The following ZNF487 variants were observed in gnomAD, a reference collection of about 807,000 sequenced individuals.
ZNF487 encodes the protein zinc finger protein 487.
Under a neutral mutation model 3.0 loss-of-function variants are expected in ZNF487, and 4 were observed. The ratio of observed to expected loss-of-function variants is 1.35; its 90% CI spans 0.66 to 3.08. The LOEUF is 3.08. ZNF487 is among the 30% of genes most tolerant of loss of function. ZNF487 has a pLI of 0.01. For synonymous variants in ZNF487, 55 were observed against 34.6 expected, an observed-to-expected ratio of 1.59 and a Z score of -2.06; for missense variants, 146 against 98.7, an observed-to-expected ratio of 1.48 and a Z score of -2.03.
At chr10:43,469,466 T>A (rs1840825925) in intron 1 of ZNF487, among the ~76,000 whole-genome samples, 1 of 152,134 alleles carries the variant, frequency 6.6e-6, no homozygotes, top group Non-Finnish European at 1.5e-5. Flanking sequence ...GTGCTGGGAT[T>A]ACAGGCGTGA....
intron 3 of ZNF487, among the ~76,000 whole-genome samples, chr10:43,477,215 T>C (rs1841132015): frequency 6.6e-6 from 1 of 151,980 alleles, no homozygotes; most frequent in Non-Finnish European, 1.5e-5. Flanking sequence ...CTTTTTTTTT[T>C]TGAGACAGTC....
intron 1 of ZNF487, among the ~76,000 whole-genome samples, chr10:43,460,371 T>C (rs80143501): frequency 6.7e-6 from 1 of 149,564 alleles, no homozygotes; most frequent in East Asian, 1.9e-4. Context: ...TCTGTTGTTT[T>C]CTTTCTTTCT....
Position 43,481,719 on chromosome 10 carries a change from AAGCGTGAGAATCCTTATGCCAGAGG to A in ZNF487, c.422_446del (p.Lys141ArgfsTer140). Reference sequence around the variant, plus strand: ...ACGTGGGAAATTTCTCCTCTGTATGAAGCGTGAGAATCCTTATGCCAGAGGGAAACCTTTGGAATATGATGGAAAT... The same window carrying A: ...ACGTGGGAAATTTCTCCTCTGTATGAGAAACCTTTGGAATATGATGGAAAT... On this transcript the variant is annotated frameshift_variant, in exon 4 of 4. Coordinates refer to ENST00000437590, the MANE Select transcript of ZNF487 (RefSeq NM_001355444.3). LOFTEE classifies it low-confidence loss of function (END_TRUNC). The A allele has an allele frequency of 1.4e-6, 1 of 716,538 alleles. No homozygotes were observed. The highest frequency in any genetic ancestry group is 1.5e-5 in the South Asian group (1 of 67,532). The allele number at this position is 716,538 out of a possible 1,614,324, so 44.4% of individuals were successfully genotyped here. A position where few individuals can be genotyped will look rare whatever the true frequency, so the allele number is the denominator to read the frequency against.
chr10:43,457,742 G>C (rs1413630561), intron 1 of ZNF487, among the ~76,000 whole-genome samples: 1 of 149,304 alleles, frequency 6.7e-6, no homozygotes, highest in African/African-American at 2.5e-5. Flanking sequence ...ACAGCTCTTT[G>C]CCGGGCAGGG....
chr10:43,488,768 ATGAC>A, the ZNF487 span, among the ~76,000 whole-genome samples: 3 of 152,320 alleles, frequency 2.0e-5, no homozygotes, highest in Non-Finnish European at 4.4e-5. Context: ...CACTGAATAA[ATGAC>A]TGACCAAGTA....
intron 1 of ZNF487, among the ~76,000 whole-genome samples, chr10:43,439,111 A>T (rs1490583851): frequency 6.6e-6 from 1 of 151,856 alleles, no homozygotes; most frequent in Non-Finnish European, 1.5e-5. Flanking sequence ...GCATGGTGGC[A>T]CATGCCTGTA....
the ZNF487 span, among the ~76,000 whole-genome samples, chr10:43,491,576 C>CATG: frequency 7.2e-5 from 11 of 151,800 alleles, no homozygotes; most frequent in African/African-American, 2.4e-4. Flanking sequence ...ACAGACACTT[C>CATG]GAGCACAACA....
At chr10:43,459,566 T>C (rs182709513) in intron 1 of ZNF487, among the ~76,000 whole-genome samples, 117 of 152,102 alleles carry the variant, frequency 7.7e-4, no homozygotes, top group Non-Finnish European at 1.0e-3. Context: ...CCAGTGGGTA[T>C]TGAACTTTTA....
chr10:43,441,223 T>C lies in ZNF487; in HGVS notation c.-94+3961T>C, dbSNP rs113738378. 2.6e-5 allele frequency among the ~76,000 whole-genome samples: 4 copies of C among 151,502 alleles called. 1 individual carries two copies. The highest frequency in any genetic ancestry group is 9.7e-5 in the African/African-American group (4 of 41,278). On this transcript the variant is annotated intron_variant, in intron 1 of 3. Coordinates refer to ENST00000437590, the MANE Select transcript of ZNF487 (RefSeq NM_001355444.3). Reference sequence around the variant, plus strand: ...CTCAAGTGATCCACTTGGCTTGGCCTCCCAAAGTGCTGGGAGTATAGACAT... The same window carrying C: ...CTCAAGTGATCCACTTGGCTTGGCCCCCCAAAGTGCTGGGAGTATAGACAT...
At chr10:43,470,761 T>C (rs949334565) in intron 1 of ZNF487, among the ~76,000 whole-genome samples, 1 of 152,090 alleles carries the variant, frequency 6.6e-6, no homozygotes, top group Non-Finnish European at 1.5e-5. Flanking sequence ...TCAAGCAATT[T>C]TCCTACCTTG....
At chr10:43,478,943 G>A (rs1841203657) in intron 3 of ZNF487, among the ~76,000 whole-genome samples, 1 of 143,892 alleles carries the variant, frequency 6.9e-6, no homozygotes, top group African/African-American at 2.6e-5. Flanking sequence ...GTCTCGCTTT[G>A]TCTTCCAGGC....
At chr10:43,464,382 A>AT (rs1198989759) in intron 1 of ZNF487, among the ~76,000 whole-genome samples, 16 of 149,936 alleles carry the variant, frequency 1.1e-4, no homozygotes, top group East Asian at 1.9e-4. Context: ...TATTATTATT[A>AT]TTTTTTTTTA....
chr10:43,482,826 C>T lies in ZNF487; in HGVS notation c.*904C>T, dbSNP rs1841415034. Reference sequence around the variant, plus strand: ...TCAGAGAATTCACACAGGGGAGAAACCCTATGAATGTAATGAATGTGAGAA... The same window carrying T: ...TCAGAGAATTCACACAGGGGAGAAATCCTATGAATGTAATGAATGTGAGAA... On this transcript the variant is annotated 3_prime_UTR_variant, in exon 4 of 4. Transcript: ENST00000437590. 1 of 522,730 alleles carries T rather than the reference C, an allele frequency of 1.9e-6. No homozygotes were observed. Among genetic ancestry groups the T allele is most frequent in the South Asian group, 1.4e-5 (1 of 70,170 alleles). The allele number at this position is 522,730 out of a possible 1,614,324, so 32.4% of individuals were successfully genotyped here. A position where few individuals can be genotyped will look rare whatever the true frequency, so the allele number is the denominator to read the frequency against.
At chr10:43,445,891 A>G (rs985600492) in intron 1 of ZNF487, among the ~76,000 whole-genome samples, 2 of 152,136 alleles carry the variant, frequency 1.3e-5, no homozygotes, top group African/African-American at 4.8e-5. Context: ...CTTAATGAGC[A>G]TGCTGCCTTC....
the ZNF487 span, among the ~76,000 whole-genome samples, chr10:43,518,518 C>G: frequency 6.6e-6 from 1 of 152,086 alleles, no homozygotes; most frequent in African/African-American, 2.4e-5. Context: ...CATATTGCCC[C>G]TTTCTGATGC....
the ZNF487 span, among the ~76,000 whole-genome samples, chr10:43,514,946 T>A: frequency 6.6e-6 from 1 of 152,180 alleles, no homozygotes. Context: ...TTCCTCTACG[T>A]TAAACCAAGG....
intron 1 of ZNF487, among the ~76,000 whole-genome samples, chr10:43,466,033 C>T (rs967687455): frequency 6.6e-6 from 1 of 152,104 alleles, no homozygotes; most frequent in East Asian, 1.9e-4. Flanking sequence ...CAAAAAAATA[C>T]GAAAACCAGT....
At chr10:43,496,847 T>C in the ZNF487 span, among the ~76,000 whole-genome samples, 1 of 152,078 alleles carries the variant, frequency 6.6e-6, no homozygotes, top group African/African-American at 2.4e-5. Context: ...TTTAAGACTT[T>C]TATTTTAGGT....
chr10:43,496,767 G>A, the ZNF487 span, among the ~76,000 whole-genome samples: 2 of 152,170 alleles, frequency 1.3e-5, no homozygotes, highest in Admixed American at 1.3e-4. Context: ...CCAGGTTGCA[G>A]ACTGCCAATG....
Sources: gnomAD v4.1 joint callset for allele counts (sites outside exome capture counted in the v4.1 genomes callset) on GRCh38, gnomAD v4.1.1 for gene constraint, MANE v1.5 for transcripts, NCBI Gene and HGNC (gene_info 2026-07-23, HGNC 2026-07-21) for gene names.